Variants in RIC3 observed in about 807,000 individuals in gnomAD.
The protein encoded by RIC3 is RIC3 acetylcholine receptor chaperone, also known as protein RIC-3.
RIC3 carries 28 observed loss-of-function variants against 27.3 expected under a neutral mutation model. The observed-to-expected ratio is 1.02, with a 90% CI of 0.76 to 1.41. The LOEUF (loss-of-function observed/expected upper bound fraction) is 1.41. Among genes scored for constraint, RIC3 ranks in the 40% most tolerant of loss-of-function variants. The pLI is 0.00. For missense variants in RIC3, 501 were observed against 444.7 expected (o/e 1.13, Z -1.14); for synonymous variants, 184 against 160.4 (o/e 1.15, Z -1.11).
the RIC3 span, among the ~76,000 whole-genome samples, chr11:8,100,075 AG>A: frequency 6.6e-6 from 1 of 152,160 alleles, no homozygotes; most frequent in Non-Finnish European, 1.5e-5. Flanking sequence ...AAGGAGGAAT[AG>A]GAGGGCCAAC....
the RIC3 span, chr11:8,094,097 C>T: frequency 1.2e-5 from 20 of 1,614,072 alleles, no homozygotes; most frequent in Admixed American, 1.7e-5. Flanking sequence ...ACGCGCCCAA[C>T]AGCACCAGCT....
rs139849322 is a variant in RIC3 at position 8,168,945 on chromosome 11, A to G, written c.45T>C (p.Leu15=). 1.6e-5 allele frequency: 25 copies of G among 1,609,902 alleles called. No homozygotes were observed. In the African/African-American group the frequency reaches 2.7e-4, roughly 17 times the overall value. The change falls in exon 1 of 6, where the codon CTT becomes CTC. Residue 15 remains leucine (L), a synonymous_variant. Coordinates refer to ENST00000309737, the MANE Select transcript of RIC3 (RefSeq NM_001206671.4). The part of the protein sequence containing the change: ...TVQRVALASG[L]VLALSLLLPK... ...GCAGCAGCAGCGACAGAGCCAGGACAAGCCCAGAAGCCAGAGCGACTCTCT... is the reference window on the plus strand; with the variant it reads ...GCAGCAGCAGCGACAGAGCCAGGACGAGCCCAGAAGCCAGAGCGACTCTCT...
At chr11:8,093,975 G>A in the RIC3 span, 5 of 1,591,710 alleles carry the variant, frequency 3.1e-6, no homozygotes, top group South Asian at 1.1e-5. Flanking sequence ...TGGGGACTGT[G>A]TTCAGGTGGG....
intron 1 of RIC3, among the ~76,000 whole-genome samples, chr11:8,159,202 G>A (rs1010994987): frequency 2.6e-5 from 4 of 152,114 alleles, no homozygotes; most frequent in East Asian, 3.9e-4. Flanking sequence ...ACATGAAGAC[G>A]AAGGGAAAGG....
Position 8,106,513 on chromosome 11 carries a change from G to T in RIC3, c.*4185C>A, listed in dbSNP as rs1944676066. 6.6e-6 allele frequency: 1 copy of T among 152,282 alleles called. No homozygotes were observed. 9.4% of individuals were successfully genotyped at this position (152,282 alleles called of 1,614,324 possible). A position where few individuals can be genotyped will look rare whatever the true frequency, so the allele number is the denominator to read the frequency against. On this transcript the variant is annotated 3_prime_UTR_variant, in exon 6 of 6. Coordinates refer to ENST00000309737, the MANE Select transcript of RIC3 (RefSeq NM_001206671.4). ...TTAAGTTAGAGCAGTTCTCTTCAGG[G>T]TCTGCTGTGCCGCCTGAAGGGGCTG...
chr11:8,123,590 G>T (rs542955695), intron 5 of RIC3, among the ~76,000 whole-genome samples: 2 of 152,234 alleles, frequency 1.3e-5, no homozygotes, highest in East Asian at 1.9e-4. Flanking sequence ...ACTATATTAT[G>T]AACAACTTTA....
intron 5 of RIC3, among the ~76,000 whole-genome samples, chr11:8,115,927 C>T (rs1945818436): frequency 6.6e-6 from 1 of 152,058 alleles, no homozygotes; most frequent in Admixed American, 6.6e-5. Context: ...ACAAAAGACC[C>T]CAAATGGCCA....
chr11:8,161,186 A>G (rs1006651432), intron 1 of RIC3, among the ~76,000 whole-genome samples: 2 of 152,230 alleles, frequency 1.3e-5, no homozygotes, highest in African/African-American at 4.8e-5. Context: ...TACGGTGAAC[A>G]TAGAGTAGCT....
chr11:8,103,530 C>T (rs528741579), downstream of RIC3: 385 of 152,728 alleles, frequency 2.5e-3, 1 homozygote, highest in Middle Eastern at 6.8e-3. Context: ...CAAGGCATAC[C>T]TGTCCTAGCA....
chr11:8,101,855 TG>T, downstream of RIC3: 1 of 475,788 alleles, frequency 2.1e-6, no homozygotes, highest in South Asian at 3.6e-5. Flanking sequence ...ATTCTTTCCA[TG>T]CCACGAGATC....
intron 1 of RIC3, among the ~76,000 whole-genome samples, chr11:8,154,906 C>A (rs1049078971): frequency 6.6e-6 from 1 of 152,040 alleles, no homozygotes; most frequent in African/African-American, 2.4e-5. Flanking sequence ...ATGACTAAAT[C>A]CTAATTGTTT....
intron 4 of RIC3, 82 bp from the exon 5 acceptor site, chr11:8,126,889 G>T: frequency 6.5e-7 from 1 of 1,540,420 alleles, no homozygotes; most frequent in Non-Finnish European, 8.9e-7. Context: ...GTCTGTCTGG[G>T]TACTGGAATA....
chr11:8,162,396 C>A (rs762833311), intron 1 of RIC3, among the ~76,000 whole-genome samples: 1 of 152,200 alleles, frequency 6.6e-6, no homozygotes, highest in Non-Finnish European at 1.5e-5. Flanking sequence ...ACAATCTTCT[C>A]CCTGAAGAAA....
the RIC3 span, chr11:8,097,100 C>A: frequency 3.7e-6 from 4 of 1,072,232 alleles, no homozygotes; most frequent in Non-Finnish European, 5.4e-6. Flanking sequence ...CCAGGCTGGC[C>A]AGGCCCCAAT....
intron 1 of RIC3, among the ~76,000 whole-genome samples, chr11:8,156,281 G>A (rs1299166502): frequency 6.6e-6 from 1 of 152,232 alleles, no homozygotes; most frequent in Non-Finnish European, 1.5e-5. Flanking sequence ...AGGTAGCAGA[G>A]TGAAGTGGAA....
chr11:8,145,191 T>C (rs10839979), intron 1 of RIC3, among the ~76,000 whole-genome samples: 1 of 108,970 alleles, frequency 9.2e-6, no homozygotes, highest in Non-Finnish European at 1.7e-5. Context: ...AAAAAAAAAT[T>C]AAAAAAAAAT....
rs956371826 is a variant in RIC3, at chr11:8,139,599, G to GA, written c.351+367dup. 95 of 201,908 alleles carry GA rather than the reference G, an allele frequency of 4.7e-4. 1 individual carries two copies. Among genetic ancestry groups the GA allele is most frequent in the Non-Finnish European group, 1.7e-4 (17 of 102,880 alleles). The allele number at this position is 201,908 out of a possible 1,614,324, so 12.5% of individuals were successfully genotyped here. On this transcript the variant is annotated intron_variant, in intron 2 of 5. Coordinates refer to ENST00000309737, the MANE Select transcript of RIC3 (RefSeq NM_001206671.4). ...ATCCCAATAATAAAAGCTCTTCTTA[G>GA]AAAATCTTTATTCCTTTTCGGCCTG... is the stretch of plus-strand genomic sequence containing the variant.
At chr11:8,164,238 T>C (rs929903982) in intron 1 of RIC3, among the ~76,000 whole-genome samples, 3 of 152,106 alleles carry the variant, frequency 2.0e-5, no homozygotes, top group Admixed American at 6.6e-5. Flanking sequence ...CTTGAAAACA[T>C]AGGCATAAAT....
intron 4 of RIC3, among the ~76,000 whole-genome samples, chr11:8,134,593 C>T (rs1288034820): frequency 1.3e-5 from 2 of 152,188 alleles, no homozygotes; most frequent in African/African-American, 4.8e-5. Context: ...AATGGTTGAA[C>T]TAGTTTATAG....
Sources: gnomAD v4.1 joint callset for allele counts (sites outside exome capture counted in the v4.1 genomes callset) on GRCh38, gnomAD v4.1.1 for gene constraint, MANE v1.5 for transcripts, NCBI Gene and HGNC (gene_info 2026-07-23, HGNC 2026-07-21) for gene names.